Variants in GALNS observed in about 807,000 individuals in gnomAD.
The protein encoded by GALNS is N-acetylgalactosamine-6-sulfatase.
Under a neutral mutation model 65.9 loss-of-function variants are expected in GALNS, and 65 were observed. The ratio of observed to expected loss-of-function variants is 0.99; its 90% confidence interval spans 0.81 to 1.21. GALNS has a LOEUF of 1.21. Ranked by LOEUF, GALNS falls within the 50% of genes most tolerant of loss-of-function variation. The pLI, the probability that GALNS is intolerant of heterozygous loss-of-function variation, is 0.00. For synonymous variants in GALNS, 346 were observed against 288.9 expected (o/e 1.20, Z -2.00); for missense variants, 776 against 700.7 (o/e 1.11, Z -1.21).
intron 1 of GALNS, among the ~76,000 whole-genome samples, chr16:88,852,204 T>C (rs1967537364): frequency 6.6e-6 from 1 of 152,232 alleles, no homozygotes; most frequent in Non-Finnish European, 1.5e-5. Context: ...CAATAGTTGC[T>C]GTTCTGCAGC....
At chr16:88,838,030 A>T (rs1453549057) in intron 4 of GALNS, 1 of 487,642 alleles carries the variant, frequency 2.1e-6, no homozygotes. Context: ...CTGCACGGTG[A>T]AGGGTGGTGC....
At chr16:88,840,589 C>A in intron 4 of GALNS, 2 of 346,360 alleles carry the variant, frequency 5.8e-6, no homozygotes, top group South Asian at 4.6e-5. Flanking sequence ...CCAGAGCTTT[C>A]ACCATCCAAC....
intron 5 of GALNS, 106 bp downstream of exon 5, chr16:88,837,516 G>T: frequency 2.5e-6 from 3 of 1,180,452 alleles, no homozygotes; most frequent in East Asian, 2.4e-5. Context: ...GGACAGACCA[G>T]CCCTCATGAG....
intron 1 of GALNS, among the ~76,000 whole-genome samples, chr16:88,851,098 C>T (rs906858705): frequency 1.3e-5 from 2 of 152,140 alleles, no homozygotes; most frequent in African/African-American, 4.8e-5. Flanking sequence ...TTTATCGGCG[C>T]CTTTCTTGGC....
intron 13 of GALNS, 173 bp from the exon 14 acceptor site, chr16:88,814,698 A>G (rs1005869910): frequency 1.8e-6 from 1 of 555,344 alleles, no homozygotes; most frequent in South Asian, 7.9e-5. Flanking sequence ...GGTTCAAGAG[A>G]TTCTCCTGCC....
intron 8 of GALNS, 121 bp from the exon 9 acceptor site, chr16:88,832,222 G>T: frequency 1.1e-6 from 1 of 892,698 alleles, no homozygotes; most frequent in Non-Finnish European, 1.8e-6. Flanking sequence ...AGGCACTCTG[G>T]CTGGAGTGCA....
intron 8 of GALNS, among the ~76,000 whole-genome samples, chr16:88,834,716 G>C (rs113797435): frequency 3.3e-5 from 5 of 150,728 alleles, no homozygotes; most frequent in South Asian, 2.1e-4. Context: ...AGTGCCGAGC[G>C]GGGGAAAGGC....
At chr16:88,840,925 C>G (rs988478207) in intron 4 of GALNS, 67 bp downstream of exon 4, 41 of 1,258,148 alleles carry the variant, frequency 3.3e-5, no homozygotes, top group Non-Finnish European at 4.7e-5. Context: ...GTGGCCATGT[C>G]CCTTGGAACC....
chr16:88,836,336 AC>A, intron 5 of GALNS, 69 bp from the exon 6 acceptor site: 1 of 1,269,832 alleles, frequency 7.9e-7, no homozygotes, highest in Non-Finnish European at 1.1e-6. Flanking sequence ...CCCTGATTTC[AC>A]CAGCAAAGCC....
At chr16:88,830,230 CAAAA>C (rs758855583) in intron 9 of GALNS, among the ~76,000 whole-genome samples, 1 of 13,990 alleles carries the variant, frequency 7.1e-5, no homozygotes. Flanking sequence ...GACTTCATCT[CAAAA>C]AAAAAAAAAA....
Position 88,843,131 on chromosome 16 carries a change from C to T in GALNS, c.121-302G>A, listed in dbSNP as rs1051876154. On this transcript the variant is annotated intron_variant, in intron 1 of 13. Transcript: ENST00000268695. ...TTGGTCTTCAGGTGGGGAATGTGTC[C>T]GTCTGCCTCCTCCCAGCCTGACACC... 2.6e-5 allele frequency: 37 copies of T among 1,439,572 alleles called. No homozygotes were observed. The Admixed American group carries it at 4.2e-4, about 16-fold the overall frequency. The allele number at this position is 1,439,572 out of a possible 1,614,324, so 89.2% of individuals were successfully genotyped here.
chr16:88,817,019 G>A, intron 13 of GALNS: 1 of 985,474 alleles, frequency 1.0e-6, no homozygotes, highest in Non-Finnish European at 1.2e-6. Flanking sequence ...ACCTGTGTGT[G>A]GCTCGTTTTT....
intron 1 of GALNS, among the ~76,000 whole-genome samples, chr16:88,848,267 G>A (rs1265885839): frequency 1.3e-5 from 2 of 152,132 alleles, no homozygotes; most frequent in Non-Finnish European, 2.9e-5. Context: ...GTGGCAGGAC[G>A]ACTCTGAGAA....
chr16:88,837,822 C>A (rs1387748513), intron 4 of GALNS, 57 bp from the exon 5 acceptor site: 1 of 1,590,016 alleles, frequency 6.3e-7, no homozygotes, highest in East Asian at 2.2e-5. Context: ...CTCGGAAGTT[C>A]TGAGCAGCAA....
In GALNS at chr16:88,813,858, G is replaced by C. The variant is rs1909355790; in HGVS notation, c.*581C>G. Reference sequence around the variant, plus strand: ...GGAAATTCCTTGTGGACAAAGGACAGACGGAACTGGAAGTCATCCCTCTGG... The same window carrying C: ...GGAAATTCCTTGTGGACAAAGGACACACGGAACTGGAAGTCATCCCTCTGG... On this transcript the variant is annotated 3_prime_UTR_variant, in exon 14 of 14. Coordinates refer to ENST00000268695, the MANE Select transcript of GALNS (RefSeq NM_000512.5). 1 of 161,522 alleles carries C rather than the reference G, an allele frequency of 6.2e-6. No homozygotes were observed. 10.0% of individuals were successfully genotyped at this position (161,522 alleles called of 1,614,324 possible).
chr16:88,818,233 G>A (rs1476404453), intron 12 of GALNS, 109 bp from the exon 13 acceptor site: 8 of 883,738 alleles, frequency 9.1e-6, no homozygotes, highest in Non-Finnish European at 1.4e-5. Flanking sequence ...GAGAACCACA[G>A]TGAGCAGTCA....
Position 88,822,575 on chromosome 16 carries a change from C to G in GALNS, c.1364+14G>C, listed in dbSNP as rs1400572799. On this transcript the variant is annotated intron_variant, in intron 12 of 13. Transcript: ENST00000268695. ...GCACTGCCTCAGCAGCCAGGAGGCC[C>G]TGCACCGACTCACCTGAGGGGGAAC... 1.2e-6 allele frequency: 2 copies of G among 1,612,308 alleles called. No homozygotes were observed. The highest frequency in any genetic ancestry group is 8.5e-7 in the Non-Finnish European group (1 of 1,179,642).
At chr16:88,826,588 A>C in intron 10 of GALNS, 114 bp downstream of exon 10, 1 of 1,293,400 alleles carries the variant, frequency 7.7e-7, no homozygotes, top group Non-Finnish European at 1.1e-6. Context: ...GGGCACGAGC[A>C]CGCCTGTGTC....
chr16:88,814,534 T>C lies in GALNS; in HGVS notation c.1483-9A>G, dbSNP rs753253441. 1.9e-5 allele frequency: 30 copies of C among 1,552,808 alleles called. No homozygotes were observed. In the South Asian group the frequency reaches 3.2e-4, roughly 17 times the overall value. ...CCCGGAGGTGCCCAGTTCTGGGAAA[T>C]GAAAATTGAGAAAAAGAACATGCAG... On this transcript the variant is annotated splice_polypyrimidine_tract_variant and intron_variant, in intron 13 of 13. Coordinates refer to ENST00000268695, the MANE Select transcript of GALNS (RefSeq NM_000512.5).
Sources: allele counts gnomAD v4.1 joint callset (sites outside exome capture counted in the v4.1 genomes callset), GRCh38; gene constraint gnomAD v4.1.1; transcripts MANE v1.5; gene names NCBI Gene and HGNC (gene_info 2026-07-23, HGNC 2026-07-21).